GPC5: variants seen among roughly 807,000 people sequenced by gnomAD.
The protein encoded by GPC5 is glypican 5, also known as glypican-5.
A neutral mutation model predicts 53.9 loss-of-function variants in GPC5; 47 were observed. The ratio of observed to expected loss-of-function variants is 0.87; its 90% confidence interval spans 0.69 to 1.11. The LOEUF is 1.11. Among genes scored for constraint, GPC5 ranks in the 50% most tolerant of loss-of-function variants. The pLI, the probability that GPC5 is intolerant of heterozygous loss-of-function variation, is 0.00. For missense variants in GPC5, 748 were observed against 713.1 expected (o/e 1.05, Z -0.56); for synonymous variants, 286 against 263.3 (o/e 1.09, Z -0.84).
chr13:91,498,988 A>G (rs1884470603), intron 2 of GPC5, among the ~76,000 whole-genome samples: 1 of 152,018 alleles, frequency 6.6e-6, no homozygotes, highest in African/African-American at 2.4e-5. Context: ...AAAAGAAAAA[A>G]GGAAAGCTGC....
intron 7 of GPC5, among the ~76,000 whole-genome samples, chr13:92,220,832 T>C (rs1413821020): frequency 2.0e-5 from 3 of 152,206 alleles, no homozygotes; most frequent in Non-Finnish European, 2.9e-5. Context: ...TATATAAAAA[T>C]TGGACACTAA....
intron 5 of GPC5, among the ~76,000 whole-genome samples, chr13:91,870,236 C>T (rs975700693): frequency 4.6e-5 from 7 of 152,030 alleles, no homozygotes; most frequent in African/African-American, 1.4e-4. Context: ...CCTTATGCAC[C>T]GTAGAGTATG....
intron 7 of GPC5, among the ~76,000 whole-genome samples, chr13:92,372,960 T>C (rs2043663414): frequency 6.6e-6 from 1 of 152,242 alleles, no homozygotes; most frequent in African/African-American, 2.4e-5. Flanking sequence ...TTGTAGATAA[T>C]ATCTGATATA....
chr13:92,206,145 T>G (rs1593994681), intron 7 of GPC5, among the ~76,000 whole-genome samples: 1 of 139,582 alleles, frequency 7.2e-6, no homozygotes, highest in African/African-American at 2.7e-5. Context: ...ATCGTTGTTG[T>G]GTTTTTTTTA....
chr13:92,853,141 C>A (rs1365385915), intron 7 of GPC5, among the ~76,000 whole-genome samples: 1 of 152,050 alleles, frequency 6.6e-6, no homozygotes, highest in Non-Finnish European at 1.5e-5. Context: ...AAAAAAAATC[C>A]AACTTTAAAC....
chr13:92,278,228 CT>C (rs2042889729), intron 7 of GPC5, among the ~76,000 whole-genome samples: 2 of 151,564 alleles, frequency 1.3e-5, no homozygotes, highest in Admixed American at 1.3e-4. Context: ...TTTATTAAAC[CT>C]TTTTAGATAT....
chr13:91,973,730 C>T (rs1476012130), intron 6 of GPC5, among the ~76,000 whole-genome samples: 2 of 152,176 alleles, frequency 1.3e-5, no homozygotes, highest in African/African-American at 4.8e-5. Flanking sequence ...GCTAGAGGTC[C>T]ACTCCTGACC....
chr13:91,488,453 A>AAGCCATGGC (rs1457193893), intron 2 of GPC5, among the ~76,000 whole-genome samples: 1 of 152,202 alleles, frequency 6.6e-6, no homozygotes, highest in Non-Finnish European at 1.5e-5. Context: ...GGACCGCCTG[A>AAGCCATGGC]AGCCATGGCA....
At chr13:92,625,323 A>G (rs1594359410) in intron 7 of GPC5, among the ~76,000 whole-genome samples, 1 of 152,346 alleles carries the variant, frequency 6.6e-6, no homozygotes, top group East Asian at 1.9e-4. Context: ...ATTTACATCA[A>G]TTGGGATATA....
At chr13:91,805,634 GTGT>G (rs1213810957) in intron 5 of GPC5, among the ~76,000 whole-genome samples, 2 of 152,138 alleles carry the variant, frequency 1.3e-5, no homozygotes, top group African/African-American at 4.8e-5. Context: ...TGAAAATGAA[GTGT>G]TGTATTGATT....
rs573983829 is a variant in GPC5, at chr13:91,519,227, C to T, written c.325+70305C>T. 1.4e-3 allele frequency among the ~76,000 whole-genome samples: 212 copies of T among 152,238 alleles called. 1 individual carries two copies. The highest frequency in any genetic ancestry group is 4.3e-3 in the African/African-American group (179 of 41,542). On this transcript the variant is annotated intron_variant, in intron 2 of 7. Transcript: ENST00000377067. Reference sequence around the variant, plus strand: ...ACTGTACCTTATGCCTCTATTTATTCGTTATCCCTGCACCAGTGGGAAGTA... The same window carrying T: ...ACTGTACCTTATGCCTCTATTTATTTGTTATCCCTGCACCAGTGGGAAGTA...
intron 7 of GPC5, among the ~76,000 whole-genome samples, chr13:92,295,106 A>G (rs145531832): frequency 6.6e-6 from 1 of 151,990 alleles, no homozygotes; most frequent in Non-Finnish European, 1.5e-5. Flanking sequence ...CTGACATTAC[A>G]GGTGTGAGCC....
chr13:92,763,615 C>A (rs1375961334), intron 7 of GPC5, among the ~76,000 whole-genome samples: 1 of 152,160 alleles, frequency 6.6e-6, no homozygotes, highest in Non-Finnish European at 1.5e-5. Context: ...AGACTCAAGA[C>A]CCTGGGGTCA....
intron 7 of GPC5, among the ~76,000 whole-genome samples, chr13:92,795,519 C>A (rs1424075317): frequency 1.3e-5 from 2 of 152,080 alleles, no homozygotes; most frequent in Non-Finnish European, 2.9e-5. Context: ...GCAACAAAAG[C>A]CAAAATAGAC....
At chr13:91,774,304 T>C (rs1459855015) in intron 5 of GPC5, among the ~76,000 whole-genome samples, 1 of 152,218 alleles carries the variant, frequency 6.6e-6, no homozygotes, top group Non-Finnish European at 1.5e-5. Flanking sequence ...TTGAAGAGTG[T>C]AAGCTGCTTC....
intron 6 of GPC5, among the ~76,000 whole-genome samples, chr13:92,064,475 C>T (rs1594749654): frequency 6.6e-6 from 1 of 152,114 alleles, no homozygotes. Context: ...ACCTCAGAGG[C>T]GGCCTGGCGC....
At chr13:92,326,101 AT>A (rs1594102058) in intron 7 of GPC5, among the ~76,000 whole-genome samples, 1 of 152,244 alleles carries the variant, frequency 6.6e-6, no homozygotes, top group Admixed American at 6.6e-5. Context: ...CATTGAGATC[AT>A]TTAGGTGAAA....
chr13:92,510,448 C>A (rs1594261735), intron 7 of GPC5, among the ~76,000 whole-genome samples: 1 of 152,198 alleles, frequency 6.6e-6, no homozygotes, highest in Non-Finnish European at 1.5e-5. Flanking sequence ...TTCTTAGAAG[C>A]ATGCTTTCTG....
chr13:91,603,346 C>T (rs1296372250), intron 2 of GPC5, among the ~76,000 whole-genome samples: 2 of 152,224 alleles, frequency 1.3e-5, no homozygotes, highest in East Asian at 1.9e-4. Flanking sequence ...CAGTCATAAG[C>T]AACAATGCTG....
Sources: gnomAD v4.1 joint callset for allele counts (sites outside exome capture counted in the v4.1 genomes callset) on GRCh38, gnomAD v4.1.1 for gene constraint, MANE v1.5 for transcripts, NCBI Gene and HGNC (gene_info 2026-07-23, HGNC 2026-07-21) for gene names.